NF1: variants seen among roughly 807,000 people sequenced by gnomAD.
The protein encoded by NF1 is neurofibromin.
In NF1, 122 loss-of-function variants were observed where a neutral mutation model predicts 325.7. The ratio of observed to expected loss-of-function variants is 0.37; its 90% CI spans 0.32 to 0.44. The LOEUF (loss-of-function observed/expected upper bound fraction) is 0.44, where lower values mean the gene tolerates loss of function less well. NF1 is among the 20% of genes least tolerant of loss of function. NF1 has a pLI of 1.00. For missense variants in NF1, 2,140 were observed against 3,415.4 expected (o/e 0.63, Z 9.31); for synonymous variants, 1,091 against 1,186.0 (o/e 0.92, Z 1.65).
At position 31,358,950 on chromosome 17, in the gene NF1, A is replaced by G; in HGVS notation, c.8114-19A>G. 1 of 1,610,760 alleles carries G rather than the reference A, an allele frequency of 6.2e-7. No individual in the cohort carries two copies. Among genetic ancestry groups the G allele is most frequent in the Non-Finnish European group, 8.5e-7 (1 of 1,177,118 alleles). On this transcript the variant is annotated intron_variant, in intron 55 of 57. Coordinates refer to ENST00000358273, the MANE Select transcript of NF1 (RefSeq NM_001042492.3). ...AAGATACCTTGCTTGTTATAAGAGT[A>G]AAATTTGATTTGTTGCAGGTTTTGG...
intron 1 of NF1, among the ~76,000 whole-genome samples, chr17:31,109,198 T>A (rs1394193837): frequency 6.6e-6 from 1 of 152,176 alleles, no homozygotes; most frequent in Non-Finnish European, 1.5e-5. Flanking sequence ...CTGTTACTTT[T>A]CATGACTTCT....
chr17:31,336,262 A>G lies in NF1; in HGVS notation c.6007-71A>G, dbSNP rs1204145887. The G allele has an allele frequency of 3.3e-6, 5 of 1,525,082 alleles. No individual in the cohort carries two copies. The highest frequency in any genetic ancestry group is 2.4e-5 in the East Asian group (1 of 41,290). The allele number at this position is 1,525,082 out of a possible 1,614,324, so 94.5% of individuals were successfully genotyped here. ...TTTTCATATTGATTAGGCTGTTCCAATGAATATTTTTTAATTAAAAATTAA... is the reference window on the plus strand; with the variant it reads ...TTTTCATATTGATTAGGCTGTTCCAGTGAATATTTTTTAATTAAAAATTAA... On this transcript the variant is annotated intron_variant, in intron 40 of 57. Coordinates refer to ENST00000358273, the MANE Select transcript of NF1 (RefSeq NM_001042492.3). This position sits in a 1 kb window ranked among gnomAD's most constrained non-coding sequence, Gnocchi z 5.5.
chr17:31,238,438 CTAAGAAACTCTTTGAG>C (rs1182085125), intron 29 of NF1, among the ~76,000 whole-genome samples: 2 of 152,136 alleles, frequency 1.3e-5, no homozygotes, highest in Non-Finnish European at 2.9e-5. Context: ...AGAGAAAAGG[CTAAGAAACTCTTTGAG>C]TCTGGCCTGG....
chr17:31,204,759 G>A (rs1300408656), intron 11 of NF1, among the ~76,000 whole-genome samples: 1 of 151,952 alleles, frequency 6.6e-6, no homozygotes, highest in African/African-American at 2.4e-5. Flanking sequence ...AAGATCTTAC[G>A]AGATGTGTTG....
chr17:31,338,874 GAGTTTAGAAAATA>G, intron 46 of NF1, 69 bp downstream of exon 46: 1 of 1,005,768 alleles, frequency 9.9e-7, no homozygotes. Context: ...TTCTTTCAAA[GAGTTTAGAAAATA>G]AGATGAATTG....
chr17:31,304,043 ATACTT>A lies in NF1; in HGVS notation c.4836-21774_4836-21770del, dbSNP rs570522707. Reference sequence around the variant, plus strand: ...ACCATTTACATATGTAAAATGTACTATACTTTAAAGATAGGTACTATAATTAGTAA... The same window carrying A: ...ACCATTTACATATGTAAAATGTACTATAAAGATAGGTACTATAATTAGTAA... On this transcript the variant is annotated intron_variant, in intron 36 of 57. Transcript: ENST00000358273. The A allele has an allele frequency of 9.7e-5, 42 of 433,516 alleles. 1 individual carries two copies. In the South Asian group the frequency reaches 1.6e-3, roughly 16 times the overall value. The allele number at this position is 433,516 out of a possible 1,614,324, so 26.9% of individuals were successfully genotyped here. A position where few individuals can be genotyped will look rare whatever the true frequency, so the allele number is the denominator to read the frequency against.
At chr17:31,322,092 T>TACACACAC (rs1491535600) in intron 36 of NF1, among the ~76,000 whole-genome samples, 1 of 48,488 alleles carries the variant, frequency 2.1e-5, no homozygotes, top group Non-Finnish European at 4.3e-5. Flanking sequence ...GTAGTGTGTG[T>TACACACAC]ATACACACAC....
chr17:31,161,931 G>A lies in NF1; in HGVS notation c.289-1255G>A, dbSNP rs538419619. On this transcript the variant is annotated intron_variant, in intron 3 of 57. Transcript: ENST00000358273. ...CATGTCTGTAGTCCCAGCTACTTGG[G>A]AGGCTGAGGCAGGAGAACCACTTGA... Among the ~76,000 whole-genome samples the A allele has an allele frequency of 1.7e-3, 254 of 150,140 alleles. 2 individuals are homozygous for A. Among genetic ancestry groups the A allele is most frequent in the African/African-American group, 5.8e-3 (237 of 41,054 alleles).
intron 37 of NF1, among the ~76,000 whole-genome samples, chr17:31,327,084 T>A (rs1260912434): frequency 6.6e-6 from 1 of 152,070 alleles, no homozygotes; most frequent in Non-Finnish European, 1.5e-5. Flanking sequence ...TTCTGCTGCC[T>A]CAGCCTCCCC....
At chr17:31,293,207 A>AAAAAAAAAAAAAG (rs1326132503) in intron 36 of NF1, among the ~76,000 whole-genome samples, 1 of 131,906 alleles carries the variant, frequency 7.6e-6, no homozygotes, top group Non-Finnish European at 1.6e-5. Flanking sequence ...AAAAAAAAAA[A>AAAAAAAAAAAAAG]AAAAGAAACC....
intron 1 of NF1, among the ~76,000 whole-genome samples, chr17:31,144,236 A>G (rs970410488): frequency 1.3e-5 from 2 of 152,200 alleles, no homozygotes; most frequent in Admixed American, 1.3e-4. Flanking sequence ...ATCTATTATA[A>G]CATCTCACTA....
At chr17:31,097,459 CAAAAAAAAAAAA>C (rs71142015) in intron 1 of NF1, among the ~76,000 whole-genome samples, 7 of 78,336 alleles carry the variant, frequency 8.9e-5, no homozygotes, top group African/African-American at 3.2e-4. Flanking sequence ...CTCTTGTCTC[CAAAAAAAAAAAA>C]AAAAAAAAAG....
chr17:31,299,830 C>A (rs553425693), intron 36 of NF1, among the ~76,000 whole-genome samples: 1 of 151,986 alleles, frequency 6.6e-6, no homozygotes, highest in African/African-American at 2.4e-5. Context: ...GGCTTGTTGC[C>A]AAAACTCAGT....
intron 29 of NF1, among the ~76,000 whole-genome samples, chr17:31,241,590 G>A (rs1195184048): frequency 1.3e-5 from 2 of 152,164 alleles, no homozygotes; most frequent in Non-Finnish European, 2.9e-5. Context: ...CTGATGACAA[G>A]TTAACACTGA....
At chr17:31,226,347 AC>A in intron 17 of NF1, 87 bp from the exon 18 acceptor site, 1 of 1,503,890 alleles carries the variant, frequency 6.6e-7, no homozygotes, top group Non-Finnish European at 9.1e-7. Context: ...ACACACACAC[AC>A]ACACACACAC....
intron 2 of NF1, among the ~76,000 whole-genome samples, chr17:31,157,985 A>G (rs1051493411): frequency 9.9e-5 from 15 of 152,040 alleles, no homozygotes; most frequent in African/African-American, 3.6e-4. Context: ...AGTTAACTAT[A>G]TAATGTTAAC....
intron 39 of NF1, chr17:31,331,827 C>T (rs1455505448): frequency 7.2e-6 from 1 of 139,414 alleles, no homozygotes; most frequent in Non-Finnish European, 1.5e-5. Context: ...GCTTGAGCCC[C>T]AGAGGTCAGG....
chr17:31,097,229 A>G (rs1325750077), intron 1 of NF1, among the ~76,000 whole-genome samples: 2 of 152,116 alleles, frequency 1.3e-5, no homozygotes, highest in African/African-American at 4.8e-5. Context: ...ATGCCAAGGC[A>G]GGTGGATCAC....
chr17:31,182,864 C>T lies in NF1; in HGVS notation c.888+199C>T, dbSNP rs560780366. 1.6e-4 allele frequency: 99 copies of T among 614,188 alleles called. 1 individual carries two copies. The South Asian group carries it at 1.9e-3, about 12-fold the overall frequency. The allele number at this position is 614,188 out of a possible 1,614,324, so 38.0% of individuals were successfully genotyped here. A position where few individuals can be genotyped will look rare whatever the true frequency, so the allele number is the denominator to read the frequency against. On this transcript the variant is annotated intron_variant, in intron 8 of 57. Transcript: ENST00000358273. ...TTTATTTGGCAGAGGGAAAATAATA[C>T]CAGGCAATGAACAAAGATTTAAAAT...
Sources: gnomAD v4.1 joint callset for allele counts (sites outside exome capture counted in the v4.1 genomes callset) on GRCh38, gnomAD v4.1.1 for gene constraint, Gnocchi (gnomAD v3.1) non-coding constraint, MANE v1.5 for transcripts, NCBI Gene and HGNC (gene_info 2026-07-23, HGNC 2026-07-21) for gene names.